GAB2: variants seen among roughly 807,000 people sequenced by gnomAD.
GAB2 encodes the protein GRB2 associated binding protein 2.
Under a neutral mutation model 65.5 loss-of-function variants are expected in GAB2, and 26 were observed. The ratio of observed to expected loss-of-function variants is 0.40; its 90% CI spans 0.29 to 0.55. The LOEUF is 0.55. Among genes scored for constraint, GAB2 ranks in the 20% least tolerant of loss-of-function variants. The probability of loss-of-function intolerance (pLI) is 0.53; values close to 1 mark genes in which losing one functional copy is unlikely to be tolerated. For missense variants in GAB2, 884 were observed against 875.8 expected (o/e 1.01, Z -0.12); for synonymous variants, 321 against 329.6 (o/e 0.97, Z 0.28).
intron 1 of GAB2, among the ~76,000 whole-genome samples, chr11:78,298,545 C>A (rs912635973): frequency 2.0e-5 from 3 of 152,216 alleles, no homozygotes; most frequent in Middle Eastern, 3.2e-3. Context: ...CTGTGAGGTT[C>A]ATTCCCCAAA....
intron 2 of GAB2, among the ~76,000 whole-genome samples, chr11:78,278,924 C>T (rs1036800336): frequency 6.6e-6 from 1 of 152,088 alleles, no homozygotes; most frequent in Non-Finnish European, 1.5e-5. Context: ...TACAGTGAAC[C>T]ATGATTGTGT....
chr11:78,347,638 G>C (rs1191605796), intron 1 of GAB2, among the ~76,000 whole-genome samples: 5 of 152,090 alleles, frequency 3.3e-5, no homozygotes, highest in Non-Finnish European at 7.4e-5. Flanking sequence ...ACATTAACTT[G>C]AACTGGATTA....
intron 1 of GAB2, among the ~76,000 whole-genome samples, chr11:78,413,353 T>A (rs1319199405): frequency 6.6e-6 from 1 of 151,978 alleles, no homozygotes; most frequent in African/African-American, 2.4e-5. Flanking sequence ...GCAAAGGAAA[T>A]ATAGAGTAGC....
chr11:78,280,831 T>C lies in GAB2; in HGVS notation c.146A>G (p.Tyr49Cys). ...AGGCTTCTTGGAGTGATCGTTCTTGTAGTATTCCAGAACATCTGGGTCACC... is the reference window on the plus strand; with the variant it reads ...AGGCTTCTTGGAGTGATCGTTCTTGCAGTATTCCAGAACATCTGGGTCACC... ...MSGDPDVLEY[Y>C]KNDHSKKPLR... Residue 49 changes from tyrosine to cysteine, a missense_variant, in exon 2 of 10, where the codon TAC becomes TGC. By Grantham distance (194) the Tyr-to-Cys change is radical (BLOSUM62 -2). Coordinates refer to ENST00000361507, the MANE Select transcript of GAB2 (RefSeq NM_080491.3). The C allele has an allele frequency of 6.2e-7, 1 of 1,613,804 alleles. No individual in the cohort carries two copies. The highest frequency in any genetic ancestry group is 8.5e-7 in the Non-Finnish European group (1 of 1,179,652).
At chr11:78,346,887 A>C (rs1856199346) in intron 1 of GAB2, among the ~76,000 whole-genome samples, 1 of 151,686 alleles carries the variant, frequency 6.6e-6, no homozygotes. Context: ...TCATGGCTCA[A>C]GGAAAATTTT....
chr11:78,396,795 C>A (rs113059756), intron 1 of GAB2, among the ~76,000 whole-genome samples: 4,183 of 152,236 alleles, frequency 0.027, 165 homozygotes, highest in African/African-American at 0.088. Context: ...TGGGATTTCT[C>A]TGTGTTGGTC....
chr11:78,261,218 G>A (rs551793824), intron 2 of GAB2, among the ~76,000 whole-genome samples: 9 of 152,096 alleles, frequency 5.9e-5, no homozygotes, highest in Non-Finnish European at 1.3e-4. Flanking sequence ...AGCCCAGGAG[G>A]TCGAGGTTGC....
chr11:78,382,555 C>T (rs1350635519), intron 1 of GAB2, among the ~76,000 whole-genome samples: 1 of 151,984 alleles, frequency 6.6e-6, no homozygotes. Flanking sequence ...GGGATACTTA[C>T]ACTTTAATGC....
chr11:78,307,805 T>C (rs981518153), intron 1 of GAB2, among the ~76,000 whole-genome samples: 1 of 152,198 alleles, frequency 6.6e-6, no homozygotes, highest in Non-Finnish European at 1.5e-5. Flanking sequence ...GTGTAATGGT[T>C]AATTTTAGGT....
At chr11:78,285,685 T>C (rs2134595019) in intron 1 of GAB2, among the ~76,000 whole-genome samples, 2 of 152,294 alleles carry the variant, frequency 1.3e-5, no homozygotes, top group South Asian at 2.1e-4. Flanking sequence ...CAGGCTGGTA[T>C]TGAACTCCTA....
In GAB2 at chr11:78,263,435, A is replaced by C. The variant is rs370688318; in HGVS notation, c.377-13035T>G. Among the ~76,000 whole-genome samples, 591 of 152,090 alleles carry C rather than the reference A, an allele frequency of 3.9e-3. 9 individuals carry two copies. Among genetic ancestry groups the C allele is most frequent in the Middle Eastern group, 0.02 (6 of 294 alleles). ...GATGACGAGGTCAGGAGATAAAGAC[A>C]ATCCTGGCTAACACGGTGAAACCCC... On this transcript the variant is annotated intron_variant, in intron 2 of 9. Coordinates refer to ENST00000361507, the MANE Select transcript of GAB2 (RefSeq NM_080491.3).
chr11:78,346,693 ATATATATATATATATATATATATATAT>A (rs1349948823), intron 1 of GAB2, among the ~76,000 whole-genome samples: 1 of 91,416 alleles, frequency 1.1e-5, no homozygotes, highest in African/African-American at 6.8e-5. Flanking sequence ...ATATATATAT[ATATATATATATATATATATATATATAT>A]AATTTTTTTT....
intron 1 of GAB2, among the ~76,000 whole-genome samples, chr11:78,345,406 G>T (rs1013480409): frequency 6.6e-6 from 1 of 152,212 alleles, no homozygotes; most frequent in Non-Finnish European, 1.5e-5. Context: ...ATCCTGCGAA[G>T]GTTTAGGAAT....
At chr11:78,236,474 T>A (rs565526905) in intron 3 of GAB2, among the ~76,000 whole-genome samples, 1 of 152,160 alleles carries the variant, frequency 6.6e-6, no homozygotes, top group African/African-American at 2.4e-5. Context: ...TCTTCCTCCA[T>A]GGAACTGATG....
At chr11:78,289,848 A>G (rs1172837522) in intron 1 of GAB2, among the ~76,000 whole-genome samples, 3 of 146,362 alleles carry the variant, frequency 2.0e-5, no homozygotes, top group Non-Finnish European at 4.5e-5. Flanking sequence ...TTTAAATACA[A>G]CATACAGTAT....
At chr11:78,349,638 A>C (rs1463678656) in intron 1 of GAB2, among the ~76,000 whole-genome samples, 1 of 152,214 alleles carries the variant, frequency 6.6e-6, no homozygotes, top group Non-Finnish European at 1.5e-5. Flanking sequence ...GATTTCCTTC[A>C]TCAGGACTGA....
chr11:78,411,119 G>A (rs902235531), intron 1 of GAB2, among the ~76,000 whole-genome samples: 11 of 144,502 alleles, frequency 7.6e-5, no homozygotes, highest in African/African-American at 2.3e-4. Context: ...TGCCACTGTC[G>A]CCAGCCTGTG....
chr11:78,232,227 C>G (rs1864868249), intron 3 of GAB2, among the ~76,000 whole-genome samples: 1 of 152,168 alleles, frequency 6.6e-6, no homozygotes, highest in African/African-American at 2.4e-5. Context: ...TACCATTTAC[C>G]CACCATCTTT....
At chr11:78,254,043 C>T (rs1002453582) in intron 2 of GAB2, among the ~76,000 whole-genome samples, 1 of 152,184 alleles carries the variant, frequency 6.6e-6, no homozygotes. Flanking sequence ...CTTCCTTGAG[C>T]TCAGCCTGTG....
Sources: gnomAD v4.1 joint callset for allele counts (sites outside exome capture counted in the v4.1 genomes callset) on GRCh38, gnomAD v4.1.1 for gene constraint, MANE v1.5 for transcripts, NCBI Gene and HGNC (gene_info 2026-07-23, HGNC 2026-07-21) for gene names.